GFPT1: variants seen among roughly 807,000 people sequenced by gnomAD.
The protein encoded by GFPT1 is glutamine--fructose-6-phosphate aminotransferase [isomerizing] 1.
A neutral mutation model predicts 92.0 loss-of-function variants in GFPT1; 40 were observed. The observed-to-expected ratio is 0.43, with a 90% CI of 0.34 to 0.57. GFPT1 has a LOEUF of 0.57. Among genes scored for constraint, GFPT1 ranks in the 20% least tolerant of loss-of-function variants. The probability of loss-of-function intolerance (pLI) is 0.02; values close to 1 mark genes in which losing one functional copy is unlikely to be tolerated. For synonymous variants in GFPT1, 269 were observed against 280.6 expected, an observed-to-expected ratio of 0.96 and a Z score of 0.41; for missense variants, 448 against 869.1, an observed-to-expected ratio of 0.52 and a Z score of 6.09.
chr2:69,335,791 C>T (rs144892957), intron 15 of GFPT1, among the ~76,000 whole-genome samples: 1 of 152,244 alleles, frequency 6.6e-6, no homozygotes, highest in South Asian at 2.1e-4. Context: ...GAGGCCAAAG[C>T]AGGCAGATCG....
intron 2 of GFPT1, among the ~76,000 whole-genome samples, chr2:69,372,198 CAAAAA>C (rs534920006): frequency 1.9e-5 from 1 of 52,734 alleles, no homozygotes; most frequent in Non-Finnish European, 4.1e-5. Flanking sequence ...GACTCCATCT[CAAAAA>C]AAAAAAAAAA....
intron 3 of GFPT1, among the ~76,000 whole-genome samples, chr2:69,366,498 T>C (rs1298383778): frequency 2.0e-5 from 3 of 152,170 alleles, no homozygotes; most frequent in Non-Finnish European, 4.4e-5. Context: ...AGTCAGAAAA[T>C]TCTGTAAATT....
chr2:69,337,138 C>T (rs1670820883), intron 15 of GFPT1, among the ~76,000 whole-genome samples: 1 of 147,478 alleles, frequency 6.8e-6, no homozygotes, highest in Middle Eastern at 3.5e-3. Context: ...AATCTCGCTT[C>T]ACTGCAACCT....
At chr2:69,369,630 G>C (rs1200055782) in intron 3 of GFPT1, among the ~76,000 whole-genome samples, 1 of 152,124 alleles carries the variant, frequency 6.6e-6, no homozygotes, top group East Asian at 1.9e-4. Flanking sequence ...TTAATCCAAA[G>C]TGAAGACAAT....
At chr2:69,338,818 T>TTTTTTTACG in intron 13 of GFPT1, among the ~76,000 whole-genome samples, 1 of 151,186 alleles carries the variant, frequency 6.6e-6, no homozygotes, top group African/African-American at 2.4e-5. Flanking sequence ...TTTTTTTTTT[T>TTTTTTTACG]GAGACGGAGT....
chr2:69,384,740 G>GAGAA (rs1187384038), intron 1 of GFPT1, among the ~76,000 whole-genome samples: 7 of 122,392 alleles, frequency 5.7e-5, no homozygotes, highest in African/African-American at 1.5e-4. Flanking sequence ...AAAGAAAGAA[G>GAGAA]AGAAAGAAAG....
At chr2:69,344,016 G>A (rs1214132632) in intron 12 of GFPT1, among the ~76,000 whole-genome samples, 1 of 152,092 alleles carries the variant, frequency 6.6e-6, no homozygotes, top group African/African-American at 2.4e-5. Flanking sequence ...ACACCAGCCA[G>A]ACTGGCCTTC....
chr2:69,362,721 TG>T (rs1671505541), intron 4 of GFPT1, among the ~76,000 whole-genome samples: 1 of 151,864 alleles, frequency 6.6e-6, no homozygotes, highest in South Asian at 2.1e-4. Context: ...TGCTTGAACC[TG>T]GAAGGTGGAG....
intron 9 of GFPT1, among the ~76,000 whole-genome samples, chr2:69,351,185 G>A (rs1264205848): frequency 6.6e-6 from 1 of 152,126 alleles, no homozygotes; most frequent in Non-Finnish European, 1.5e-5. Flanking sequence ...GGATAAAGTA[G>A]GGTCTTTTTG....
rs748509856 is a variant in GFPT1, at chr2:69,329,429, G to T, written c.1598-5C>A. 1.3e-6 allele frequency: 2 copies of T among 1,598,624 alleles called. No individual in the cohort carries two copies. The highest frequency in any genetic ancestry group is 2.2e-5 in the South Asian group (2 of 90,654). ...TCAGTACTTCCTTAATCAAATCTAA[G>T]AAGTAATATTAGCAAAAAAGGACAA... On this transcript the variant is annotated splice_region_variant and splice_polypyrimidine_tract_variant and intron_variant, in intron 16 of 19. Coordinates refer to ENST00000357308, the MANE Select transcript of GFPT1 (RefSeq NM_001244710.2).
At chr2:69,330,495 AT>A (rs199923223) in intron 15 of GFPT1, among the ~76,000 whole-genome samples, 34 of 144,802 alleles carry the variant, frequency 2.3e-4, no homozygotes, top group East Asian at 2.0e-4. Flanking sequence ...GTATTGCTGG[AT>A]TTTTTTTTTT....
At chr2:69,333,275 C>T (rs1670716386) in intron 15 of GFPT1, among the ~76,000 whole-genome samples, 1 of 152,208 alleles carries the variant, frequency 6.6e-6, no homozygotes, top group African/African-American at 2.4e-5. Context: ...ATTCCAGTTC[C>T]TGTAGCCCAT....
intron 1 of GFPT1, among the ~76,000 whole-genome samples, 194 bp from the exon 2 acceptor site, chr2:69,374,307 T>G (rs1186658181): frequency 7.5e-6 from 1 of 134,002 alleles, no homozygotes; most frequent in East Asian, 2.1e-4. Flanking sequence ...AAATACACAT[T>G]TATAATTTTT....
intron 2 of GFPT1, 103 bp from the exon 3 acceptor site, chr2:69,370,211 T>A (rs886266092): frequency 8.0e-6 from 6 of 752,556 alleles, no homozygotes; most frequent in Non-Finnish European, 1.4e-5. Context: ...TCTCATCTAA[T>A]TAATTCACTA....
intron 12 of GFPT1, among the ~76,000 whole-genome samples, chr2:69,342,790 G>T (rs923819490): frequency 6.6e-6 from 1 of 152,166 alleles, no homozygotes; most frequent in Non-Finnish European, 1.5e-5. Flanking sequence ...AAACCTGTCT[G>T]GGAAAAACAT....
At position 69,339,707 on chromosome 2, in the gene GFPT1, A is replaced by G. The variant is rs562192286; in HGVS notation, c.1204-1142T>C. ...AAGAACTTAAAGGTGCCCTTATTTC[A>G]TAGCCCTTAACTTTTGCTTGCCCAC... On this transcript the variant is annotated intron_variant, in intron 13 of 19. Coordinates refer to ENST00000357308, the MANE Select transcript of GFPT1 (RefSeq NM_001244710.2). Among the ~76,000 whole-genome samples the G allele has an allele frequency of 1.5e-3, 222 of 152,282 alleles. No homozygotes were observed. In the Middle Eastern group the frequency reaches 0.02, roughly 14 times the overall value.
chr2:69,328,517 G>A, intron 17 of GFPT1, 79 bp from the exon 18 acceptor site: 3 of 1,008,068 alleles, frequency 3.0e-6, no homozygotes, highest in Non-Finnish European at 4.7e-6. Context: ...AAAAGCATCT[G>A]ATATGTCAAG....
intron 9 of GFPT1, among the ~76,000 whole-genome samples, chr2:69,351,816 G>C (rs1186527860): frequency 6.6e-6 from 1 of 152,164 alleles, no homozygotes; most frequent in Non-Finnish European, 1.5e-5. Context: ...CCAGGGGCTG[G>C]GAATGAGACA....
intron 1 of GFPT1, among the ~76,000 whole-genome samples, chr2:69,376,715 CTTTTTT>C (rs2104693121): frequency 6.6e-6 from 1 of 152,176 alleles, no homozygotes; most frequent in Non-Finnish European, 1.5e-5. Context: ...TAAACTCTCT[CTTTTTT>C]AAGAAATCTA....
Sources: gnomAD v4.1 joint callset for allele counts (sites outside exome capture counted in the v4.1 genomes callset) on GRCh38, gnomAD v4.1.1 for gene constraint, MANE v1.5 for transcripts, NCBI Gene and HGNC (gene_info 2026-07-23, HGNC 2026-07-21) for gene names.